EYS: variants seen among roughly 807,000 people sequenced by gnomAD.
EYS encodes the protein EGF-like photoreceptor maintenance factor, also known as protein eyes shut homolog.
In EYS, 250 loss-of-function variants were observed where a neutral mutation model predicts 282.1. That is an observed-to-expected ratio of 0.89 (90% confidence interval 0.80 to 0.98). The LOEUF is 0.98. Ranked by LOEUF, EYS falls within the 50% of genes least tolerant of loss-of-function variation. EYS has a pLI of 0.00. For synonymous variants in EYS, 1,355 were observed against 1,282.9 expected, an observed-to-expected ratio of 1.06 and a Z score of -1.20; for missense variants, 4,016 against 3,709.0, an observed-to-expected ratio of 1.08 and a Z score of -2.15.
intron 22 of EYS, among the ~76,000 whole-genome samples, chr6:64,782,947 T>C (rs548257666): frequency 1.3e-5 from 2 of 152,214 alleles, no homozygotes. Flanking sequence ...AGCCATCTTC[T>C]CAAAATGTTA....
chr6:65,351,988 G>A lies in EYS; in HGVS notation c.1459+1470C>T, dbSNP rs139314102. 1.8e-3 allele frequency among the ~76,000 whole-genome samples: 279 copies of A among 151,846 alleles called. 1 individual carries two copies. Among genetic ancestry groups the A allele is most frequent in the Middle Eastern group, 0.014 (4 of 294 alleles). ...ATTTATTTCTTTGTTTCGTCTGATT[G>A]TGTCATTTATAAAATAGTAAGTATT... On this transcript the variant is annotated intron_variant, in intron 9 of 42. Transcript: ENST00000503581.
chr6:63,824,914 T>C (rs190454950), intron 36 of EYS, among the ~76,000 whole-genome samples: 31 of 152,226 alleles, frequency 2.0e-4, no homozygotes, highest in Middle Eastern at 3.4e-3. Context: ...TGGCCAGAAC[T>C]TGGGGGAGGG....
At chr6:65,173,194 A>C (rs1765145586) in intron 12 of EYS, among the ~76,000 whole-genome samples, 1 of 151,270 alleles carries the variant, frequency 6.6e-6, no homozygotes, top group Non-Finnish European at 1.5e-5. Flanking sequence ...ATAGCCTTAC[A>C]TTTGTTATGC....
At chr6:64,499,008 C>T (rs1444084006) in intron 26 of EYS, among the ~76,000 whole-genome samples, 2 of 152,104 alleles carry the variant, frequency 1.3e-5, no homozygotes, top group Non-Finnish European at 2.9e-5. Flanking sequence ...AATGGTATTT[C>T]TGGTTCTAGA....
At chr6:65,367,932 T>A (rs1464240910) in intron 8 of EYS, among the ~76,000 whole-genome samples, 1 of 151,682 alleles carries the variant, frequency 6.6e-6, no homozygotes, top group Admixed American at 6.7e-5. Context: ...ATTCTCATAC[T>A]GCTAATAAAG....
intron 2 of EYS, among the ~76,000 whole-genome samples, chr6:65,586,163 A>T (rs1370799029): frequency 6.6e-6 from 1 of 151,884 alleles, no homozygotes; most frequent in Non-Finnish European, 1.5e-5. Context: ...TAATTTCTTC[A>T]TTTTACTTTA....
At chr6:64,406,622 A>T (rs1366524798) in intron 28 of EYS, among the ~76,000 whole-genome samples, 1 of 152,142 alleles carries the variant, frequency 6.6e-6, no homozygotes. Flanking sequence ...ACAAGAAAAA[A>T]ACAACTCCAT....
intron 13 of EYS, among the ~76,000 whole-genome samples, chr6:64,999,407 T>C (rs555868943): frequency 1.3e-5 from 2 of 152,298 alleles, no homozygotes; most frequent in African/African-American, 2.4e-5. Flanking sequence ...CTAGTCACTG[T>C]GATATGGAAG....
intron 41 of EYS, among the ~76,000 whole-genome samples, chr6:63,749,499 A>G (rs1172665753): frequency 6.6e-6 from 1 of 152,074 alleles, no homozygotes; most frequent in Non-Finnish European, 1.5e-5. Context: ...TCTGTCACGT[A>G]TGTTTGATCC....
intron 31 of EYS, among the ~76,000 whole-genome samples, chr6:64,120,430 AATG>A (rs1773548234): frequency 6.6e-6 from 1 of 151,742 alleles, no homozygotes; most frequent in East Asian, 1.9e-4. Context: ...CAACCAAAAC[AATG>A]ATAATACAAA....
chr6:64,612,254 T>G (rs1767136256), intron 24 of EYS, among the ~76,000 whole-genome samples: 1 of 152,142 alleles, frequency 6.6e-6, no homozygotes, highest in African/African-American at 2.4e-5. Flanking sequence ...ATCTGTGTTT[T>G]AATTTAAGGG....
chr6:65,657,931 T>C (rs1038560452), intron 1 of EYS, among the ~76,000 whole-genome samples: 6 of 151,796 alleles, frequency 4.0e-5, no homozygotes, highest in African/African-American at 1.4e-4. Context: ...AAGCCAATAT[T>C]GAGGCAAGAT....
At chr6:64,490,696 G>A (rs9444887) in intron 26 of EYS, among the ~76,000 whole-genome samples, 2,882 of 150,810 alleles carry the variant, frequency 0.019, 47 homozygotes, top group African/African-American at 0.045. Flanking sequence ...ACAGACGAAA[G>A]ATTCATAAAT....
At chr6:65,372,894 A>C (rs1328130261) in intron 8 of EYS, among the ~76,000 whole-genome samples, 1 of 152,082 alleles carries the variant, frequency 6.6e-6, no homozygotes, top group East Asian at 1.9e-4. Context: ...CTATTTTATT[A>C]ATATCAGCTT....
At chr6:64,200,125 G>T (rs1765417801) in intron 31 of EYS, among the ~76,000 whole-genome samples, 2 of 152,134 alleles carry the variant, frequency 1.3e-5, no homozygotes, top group African/African-American at 4.8e-5. Flanking sequence ...ACTGGAAAAG[G>T]AAAAACTATA....
chr6:64,963,421 G>A (rs1023659763), intron 14 of EYS, among the ~76,000 whole-genome samples: 49 of 152,094 alleles, frequency 3.2e-4, no homozygotes, highest in African/African-American at 9.6e-4. Context: ...CTCTCCCTTC[G>A]TTCAGGAATT....
chr6:64,244,543 G>T (rs1766945517), intron 30 of EYS, among the ~76,000 whole-genome samples: 2 of 152,078 alleles, frequency 1.3e-5, no homozygotes, highest in Non-Finnish European at 2.9e-5. Context: ...TCTATTTAGA[G>T]AATTTATGGT....
intron 13 of EYS, among the ~76,000 whole-genome samples, chr6:65,046,090 T>A (rs1773092067): frequency 6.6e-6 from 1 of 151,930 alleles, no homozygotes; most frequent in Non-Finnish European, 1.5e-5. Flanking sequence ...ATTCCCCTGG[T>A]TATTCATTGA....
At chr6:63,971,059 A>T (rs867444908) in intron 35 of EYS, among the ~76,000 whole-genome samples, 148 of 152,338 alleles carry the variant, frequency 9.7e-4, no homozygotes, top group African/African-American at 3.1e-3. Flanking sequence ...CATTTAGGGT[A>T]CTTTTTGTTC....
Sources: gnomAD v4.1 joint callset for allele counts (sites outside exome capture counted in the v4.1 genomes callset) on GRCh38, gnomAD v4.1.1 for gene constraint, MANE v1.5 for transcripts, NCBI Gene and HGNC (gene_info 2026-07-23, HGNC 2026-07-21) for gene names.